CCDC171: variants seen among roughly 807,000 people sequenced by gnomAD.
CCDC171 encodes the protein coiled-coil domain containing 171.
In CCDC171, 177 loss-of-function variants were observed where a neutral mutation model predicts 168.2. The ratio of observed to expected loss-of-function variants is 1.05; its 90% CI spans 0.93 to 1.19. CCDC171 has a LOEUF of 1.19. CCDC171 is among the 50% of genes most tolerant of loss of function. The pLI, the probability that CCDC171 is intolerant of heterozygous loss-of-function variation, is 0.00. For missense variants in CCDC171, 1,991 were observed against 1,539.0 expected, an observed-to-expected ratio of 1.29 and a Z score of -4.91; for synonymous variants, 687 against 540.8, an observed-to-expected ratio of 1.27 and a Z score of -3.75.
chr9:16,048,854 G>T (rs927909814), intron 1 of CCDC171, among the ~76,000 whole-genome samples: 1 of 151,314 alleles, frequency 6.6e-6, no homozygotes, highest in African/African-American at 2.4e-5. Context: ...CTGTGGACAG[G>T]CAGTATTAAC....
intron 25 of CCDC171, among the ~76,000 whole-genome samples, chr9:15,948,324 C>T (rs1465097874): frequency 1.4e-5 from 2 of 143,892 alleles, no homozygotes; most frequent in African/African-American, 5.0e-5. Context: ...GATTTATAGT[C>T]CTTTGGGTAT....
intron 7 of CCDC171, 62 bp downstream of exon 7, chr9:15,623,475 G>GCGCGCGCT: frequency 3.2e-6 from 1 of 311,464 alleles, no homozygotes; most frequent in Non-Finnish European, 5.9e-6. Flanking sequence ...GCGCGCGCGC[G>GCGCGCGCT]CACACACACA....
chr9:15,714,594 C>G (rs79201991), intron 11 of CCDC171, among the ~76,000 whole-genome samples: 3 of 688 alleles, frequency 4.4e-3, no homozygotes, highest in South Asian at 0.091. Flanking sequence ...TTAATTCCTC[C>G]CCCCGGTACA....
chr9:15,950,896 A>G (rs1401070549), intron 25 of CCDC171, among the ~76,000 whole-genome samples: 2 of 151,484 alleles, frequency 1.3e-5, no homozygotes, highest in Non-Finnish European at 2.9e-5. Flanking sequence ...GTGCAGAGAC[A>G]CACATAGGCT....
intron 6 of CCDC171, among the ~76,000 whole-genome samples, chr9:15,610,478 A>C (rs958442712): frequency 1.4e-5 from 2 of 143,580 alleles, no homozygotes; most frequent in African/African-American, 2.6e-5. Context: ...AAAAAAAAAA[A>C]AAACTGGGCG....
intron 25 of CCDC171, among the ~76,000 whole-genome samples, chr9:15,951,471 A>G (rs548641064): frequency 5.4e-4 from 82 of 152,212 alleles, no homozygotes; most frequent in Middle Eastern, 6.8e-3. Flanking sequence ...TAATTTCTCC[A>G]TCTTCCATTT....
intron 25 of CCDC171, among the ~76,000 whole-genome samples, chr9:15,937,377 G>C (rs1667567914): frequency 6.6e-6 from 1 of 151,796 alleles, no homozygotes; most frequent in African/African-American, 2.4e-5. Flanking sequence ...TTCATAGTGA[G>C]AAAAAAGCTT....
At chr9:16,075,372 CTACA>C in the CCDC171 span, among the ~76,000 whole-genome samples, 1 of 152,068 alleles carries the variant, frequency 6.6e-6, no homozygotes, top group East Asian at 1.9e-4. Context: ...TTCATATTAC[CTACA>C]TAATCGCTTG....
At chr9:15,883,481 T>A (rs1273641055) in intron 24 of CCDC171, among the ~76,000 whole-genome samples, 1 of 152,172 alleles carries the variant, frequency 6.6e-6, no homozygotes, top group African/African-American at 2.4e-5. Flanking sequence ...TAGAAGGAGT[T>A]CTATAAAGTT....
downstream of CCDC171, among the ~76,000 whole-genome samples, chr9:15,978,042 T>C (rs2132858471): frequency 6.6e-6 from 1 of 152,262 alleles, no homozygotes; most frequent in Middle Eastern, 3.4e-3. Flanking sequence ...GGTTTAAAAG[T>C]AGAAGGCTTA....
intron 6 of CCDC171, among the ~76,000 whole-genome samples, chr9:16,031,407 G>A (rs1166993490): frequency 6.6e-6 from 1 of 152,154 alleles, no homozygotes; most frequent in South Asian, 2.1e-4. Context: ...ACAACATGTG[G>A]TAAGTTGTAT....
chr9:15,924,927 C>G (rs1418318482), intron 25 of CCDC171, among the ~76,000 whole-genome samples: 1 of 151,586 alleles, frequency 6.6e-6, no homozygotes, highest in East Asian at 1.9e-4. Flanking sequence ...CACATGTCTA[C>G]TTTTCCTTTG....
At chr9:16,011,789 A>C (rs1394939214) in intron 3 of CCDC171, among the ~76,000 whole-genome samples, 1 of 152,218 alleles carries the variant, frequency 6.6e-6, no homozygotes, top group Non-Finnish European at 1.5e-5. Context: ...AAACAGATAA[A>C]CAGGAAATGA....
chr9:15,696,947 A>G (rs2051263884), intron 11 of CCDC171, among the ~76,000 whole-genome samples: 6 of 152,158 alleles, frequency 3.9e-5, no homozygotes, highest in Admixed American at 3.9e-4. Flanking sequence ...ATTGTTACAG[A>G]GTGGTAACAT....
intron 11 of CCDC171, among the ~76,000 whole-genome samples, chr9:15,708,932 A>G (rs1275797227): frequency 6.6e-6 from 1 of 152,178 alleles, no homozygotes; most frequent in Non-Finnish European, 1.5e-5. Flanking sequence ...TCTTTTTTCA[A>G]ACTTTCTAAA....
intron 2 of CCDC171, among the ~76,000 whole-genome samples, chr9:15,567,768 C>T (rs1212060447): frequency 6.6e-6 from 1 of 152,034 alleles, no homozygotes; most frequent in African/African-American, 2.4e-5. Context: ...ACCCTCCTGC[C>T]TCAGCCTCCT....
At chr9:16,031,837 G>C (rs1833368534) in intron 6 of CCDC171, among the ~76,000 whole-genome samples, 1 of 152,196 alleles carries the variant, frequency 6.6e-6, no homozygotes, top group Non-Finnish European at 1.5e-5. Flanking sequence ...TGGTCTGTGA[G>C]CATGCCCTCC....
chr9:16,041,858 A>AG (rs1365576865), upstream of CCDC171, among the ~76,000 whole-genome samples: 2 of 152,184 alleles, frequency 1.3e-5, no homozygotes, highest in East Asian at 1.9e-4. Context: ...GAAATTTTGG[A>AG]GAAAAAATTT....
At chr9:15,928,117 C>G (rs1317785721) in intron 25 of CCDC171, among the ~76,000 whole-genome samples, 1 of 151,654 alleles carries the variant, frequency 6.6e-6, no homozygotes, top group African/African-American at 2.4e-5. Flanking sequence ...CTGTCAGGTG[C>G]TTTCCGATGA....
Sources: allele counts gnomAD v4.1 joint callset (sites outside exome capture counted in the v4.1 genomes callset), GRCh38; gene constraint gnomAD v4.1.1; transcripts MANE v1.5; gene names NCBI Gene and HGNC (gene_info 2026-07-23, HGNC 2026-07-21).